WWTR1: variants seen among roughly 807,000 people sequenced by gnomAD.
WWTR1 encodes the protein WW domain containing transcription regulator 1.
A neutral mutation model predicts 40.1 loss-of-function variants in WWTR1; 13 were observed. The ratio of observed to expected loss-of-function variants is 0.32; its 90% CI spans 0.21 to 0.52. The LOEUF (loss-of-function observed/expected upper bound fraction) is 0.52. Ranked by LOEUF, WWTR1 falls within the 20% of genes least tolerant of loss-of-function variation. WWTR1 has a pLI of 0.97. For missense variants in WWTR1, 436 were observed against 523.1 expected, an observed-to-expected ratio of 0.83 and a Z score of 1.63; for synonymous variants, 230 against 210.1, an observed-to-expected ratio of 1.09 and a Z score of -0.82.
At chr3:149,560,685 T>G (rs891489532) in intron 3 of WWTR1, among the ~76,000 whole-genome samples, 5 of 152,184 alleles carry the variant, frequency 3.3e-5, no homozygotes, top group African/African-American at 4.8e-5. Flanking sequence ...TGCAAATATT[T>G]AAGTCTTGGC....
intron 4 of WWTR1, among the ~76,000 whole-genome samples, chr3:149,528,304 A>G (rs576908363): frequency 2.4e-4 from 36 of 152,320 alleles, no homozygotes; most frequent in African/African-American, 8.4e-4. Context: ...TTTCTATCTC[A>G]GGTTCTCAAA....
Position 149,527,990 on chromosome 3 carries a change from A to C in WWTR1, c.772-21T>G, listed in dbSNP as rs1225909315. ...GCTTCCTACAGTCAGAATGGGAAGC[A>C]AGAGTCATGCACTCATTGTCACAAG... On this transcript the variant is annotated intron_variant, in intron 4 of 6. Coordinates refer to ENST00000360632, the MANE Select transcript of WWTR1 (RefSeq NM_015472.6). The C allele has an allele frequency of 2.5e-6, 4 of 1,611,542 alleles. No individual in the cohort carries two copies. The African/African-American group carries it at 5.3e-5, about 22-fold the overall frequency.
At chr3:149,622,499 AAGG>A (rs1178703027) in intron 2 of WWTR1, among the ~76,000 whole-genome samples, 1,019 of 100,664 alleles carry the variant, frequency 0.01, 5 homozygotes, top group African/African-American at 0.024. Flanking sequence ...GGAAGGAAGG[AAGG>A]AAGAAAGAAA....
At chr3:149,597,275 A>G (rs1739038971) in intron 2 of WWTR1, among the ~76,000 whole-genome samples, 2 of 152,048 alleles carry the variant, frequency 1.3e-5, no homozygotes, top group Admixed American at 1.3e-4. Flanking sequence ...CTCTTCCTAA[A>G]ATTCTCTATG....
intron 2 of WWTR1, among the ~76,000 whole-genome samples, chr3:149,597,820 C>A (rs1297528901): frequency 1.3e-5 from 2 of 152,110 alleles, no homozygotes; most frequent in Non-Finnish European, 2.9e-5. Context: ...AAAGTGTAGG[C>A]CGAATCCTTT....
chr3:149,572,760 T>C, intron 3 of WWTR1, 104 bp downstream of exon 3: 1 of 1,367,568 alleles, frequency 7.3e-7, no homozygotes, highest in Non-Finnish European at 9.9e-7. Context: ...GGTGTTAGGA[T>C]TGTTTGAGCC....
chr3:149,646,601 T>C (rs182052779), intron 2 of WWTR1, among the ~76,000 whole-genome samples: 1 of 152,334 alleles, frequency 6.6e-6, no homozygotes, highest in African/African-American at 2.4e-5. Flanking sequence ...TTCTTATTGG[T>C]TGGGCATCCA....
chr3:149,723,716 G>A (rs1715811110), intron 4 of WWTR1, among the ~76,000 whole-genome samples: 1 of 152,168 alleles, frequency 6.6e-6, no homozygotes, highest in Non-Finnish European at 1.5e-5. Flanking sequence ...AGGGAAAAAG[G>A]TGTTTGCCCT....
At chr3:149,565,974 A>G (rs1409665245) in intron 3 of WWTR1, among the ~76,000 whole-genome samples, 1 of 151,878 alleles carries the variant, frequency 6.6e-6, no homozygotes, top group Admixed American at 6.6e-5. Context: ...AACCCCAAAG[A>G]AGGTAGCCTT....
At chr3:149,551,910 C>T (rs1365349285) in intron 3 of WWTR1, among the ~76,000 whole-genome samples, 1 of 145,446 alleles carries the variant, frequency 6.9e-6, no homozygotes, top group Admixed American at 6.8e-5. Context: ...TGGTGGTTGT[C>T]CTTTTGTATC....
chr3:149,679,825 C>A (rs1467856568), intron 1 of WWTR1, among the ~76,000 whole-genome samples: 7 of 152,304 alleles, frequency 4.6e-5, no homozygotes, highest in African/African-American at 1.7e-4. Context: ...TCCTACACTG[C>A]CTTCCATCTG....
chr3:149,647,807 G>A (rs543512472), intron 2 of WWTR1, among the ~76,000 whole-genome samples: 95 of 152,242 alleles, frequency 6.2e-4, no homozygotes, highest in African/African-American at 2.2e-3. Flanking sequence ...GGGGTCTTAC[G>A]CTACAGTCAC....
Position 149,542,449 on chromosome 3 carries a change from C to A in WWTR1, c.657G>T (p.Met219Ile), listed in dbSNP as rs1736154072. Residue 219 changes from methionine to isoleucine, a missense_variant, in exon 4 of 7, where the codon ATG becomes ATT. By Grantham distance (10) the Met-to-Ile change is conservative (BLOSUM62 1). Transcript: ENST00000360632. ...GAGTGGTCAGCGCATTGGGCATACT[C>A]ATGAGCCCTGCGGGTGGGTTCTGAG... ...HPTQNPPAGL[M>I]SMPNALTTQQ... 2 of 1,614,116 alleles carry A rather than the reference C, an allele frequency of 1.2e-6. No homozygotes were observed. Among genetic ancestry groups the A allele is most frequent in the South Asian group, 2.2e-5 (2 of 91,054 alleles).
At chr3:149,596,869 A>C (rs1739024187) in intron 2 of WWTR1, among the ~76,000 whole-genome samples, 1 of 152,236 alleles carries the variant, frequency 6.6e-6, no homozygotes, top group Non-Finnish European at 1.5e-5. Context: ...TAGCTCCTAC[A>C]CTTTCTACTT....
At chr3:149,661,733 G>GTTT (rs369645645), upstream of WWTR1, among the ~76,000 whole-genome samples, 28 of 133,838 alleles carry the variant, frequency 2.1e-4, 1 homozygote, top group East Asian at 4.5e-4. Context: ...CACAAATAAA[G>GTTT]TTTTTTTTTT....
intron 3 of WWTR1, among the ~76,000 whole-genome samples, chr3:149,552,800 T>A (rs1736666880): frequency 6.6e-6 from 1 of 152,232 alleles, no homozygotes; most frequent in Non-Finnish European, 1.5e-5. Context: ...AGAATCCTTC[T>A]CCAGAGCCAA....
At chr3:149,647,830 C>T (rs1206399813) in intron 2 of WWTR1, among the ~76,000 whole-genome samples, 2 of 152,192 alleles carry the variant, frequency 1.3e-5, no homozygotes, top group East Asian at 1.9e-4. Flanking sequence ...AAAGCTAGGA[C>T]TCGTGTATCT....
At chr3:149,532,039 G>A (rs1560046872) in intron 4 of WWTR1, among the ~76,000 whole-genome samples, 1 of 152,200 alleles carries the variant, frequency 6.6e-6, no homozygotes, top group Admixed American at 6.5e-5. Flanking sequence ...GGAGGGCCGA[G>A]TGGCCAGGAG....
chr3:149,541,053 G>A, intron 4 of WWTR1: 1 of 456,242 alleles, frequency 2.2e-6, no homozygotes, highest in South Asian at 1.6e-5. Flanking sequence ...AAAGTTCTCT[G>A]GAATGTTAAA....
Sources: allele counts gnomAD v4.1 joint callset (sites outside exome capture counted in the v4.1 genomes callset), GRCh38; gene constraint gnomAD v4.1.1; transcripts MANE v1.5; gene names NCBI Gene and HGNC (gene_info 2026-07-23, HGNC 2026-07-21).